Variants in LARGE1 observed in about 807,000 individuals in gnomAD.
LARGE1 encodes the protein LARGE xylosyl- and glucuronyltransferase 1, also known as xylosyl- and glucuronyltransferase LARGE1.
A neutral mutation model predicts 87.6 loss-of-function variants in LARGE1; 43 were observed. The ratio of observed to expected loss-of-function variants is 0.49; its 90% CI spans 0.38 to 0.63. LARGE1 has a LOEUF of 0.63. Among genes scored for constraint, LARGE1 ranks in the 30% least tolerant of loss-of-function variants. The pLI, the probability that LARGE1 is intolerant of heterozygous loss-of-function variation, is 0.00. For missense variants in LARGE1, 802 were observed against 1,000.2 expected (o/e 0.80, Z 2.67); for synonymous variants, 434 against 394.6 (o/e 1.10, Z -1.18).
chr22:33,203,987 T>C (rs1207438147), intron 11 of LARGE1, among the ~76,000 whole-genome samples: 2 of 152,240 alleles, frequency 1.3e-5, no homozygotes, highest in Admixed American at 6.5e-5. Flanking sequence ...CTTGTCTTAT[T>C]GTTCTGTATG....
the LARGE1 span, among the ~76,000 whole-genome samples, chr22:33,091,629 T>C: frequency 6.6e-6 from 1 of 152,140 alleles, no homozygotes; most frequent in Non-Finnish European, 1.5e-5. Context: ...TGGGCCAGGT[T>C]CTAGATGATA....
intron 5 of LARGE1, among the ~76,000 whole-genome samples, chr22:33,583,425 C>A (rs761497849): frequency 6.6e-6 from 1 of 152,200 alleles, no homozygotes; most frequent in Non-Finnish European, 1.5e-5. Context: ...TACCAAGATT[C>A]CTGCCCTCAG....
chr22:33,886,302 T>A (rs1011137045), intron 1 of LARGE1, among the ~76,000 whole-genome samples: 6 of 152,196 alleles, frequency 3.9e-5, no homozygotes, highest in Admixed American at 2.6e-4. Context: ...GTGACTTGTG[T>A]GACTAGGGGG....
At chr22:33,626,745 C>G (rs575199134) in intron 3 of LARGE1, among the ~76,000 whole-genome samples, 26 of 152,282 alleles carry the variant, frequency 1.7e-4, no homozygotes, top group African/African-American at 6.3e-4. Flanking sequence ...AATGTTCCCA[C>G]AAGATGTGTT....
At chr22:33,872,893 G>A (rs2064339802) in intron 1 of LARGE1, among the ~76,000 whole-genome samples, 1 of 152,094 alleles carries the variant, frequency 6.6e-6, no homozygotes, top group African/African-American at 2.4e-5. Context: ...CCAGCTACTC[G>A]GGAGGCTGAG....
intron 2 of LARGE1, among the ~76,000 whole-genome samples, chr22:33,737,273 T>C (rs918646329): frequency 2.6e-5 from 4 of 152,158 alleles, no homozygotes; most frequent in Non-Finnish European, 5.9e-5. Context: ...TGGGCTTTTG[T>C]CTCATTCACT....
At chr22:33,589,920 T>TGTG (rs10685056) in intron 5 of LARGE1, among the ~76,000 whole-genome samples, 37,640 of 152,078 alleles carry the variant, frequency 0.25, 5,340 homozygotes, top group African/African-American at 0.39. Flanking sequence ...TCCGCTGCAC[T>TGTG]GTGGTCAAGA....
chr22:33,113,205 C>CTTTTT, the LARGE1 span, among the ~76,000 whole-genome samples: 1 of 127,390 alleles, frequency 7.8e-6, no homozygotes, highest in Non-Finnish European at 1.6e-5. Flanking sequence ...ACTTAATTAT[C>CTTTTT]TTTTTTTTTT....
At chr22:33,903,744 G>C (rs2065353290) in intron 1 of LARGE1, among the ~76,000 whole-genome samples, 1 of 152,154 alleles carries the variant, frequency 6.6e-6, no homozygotes, top group Middle Eastern at 3.2e-3. Flanking sequence ...AGAATCACTT[G>C]AACCTGGGAG....
At chr22:33,096,873 G>A in the LARGE1 span, among the ~76,000 whole-genome samples, 1 of 152,182 alleles carries the variant, frequency 6.6e-6, no homozygotes, top group Non-Finnish European at 1.5e-5. Flanking sequence ...CGGATCTGGA[G>A]CATTTTTAAA....
chr22:33,377,973 T>C lies in LARGE1; in HGVS notation c.1131+3946A>G, dbSNP rs150980125. 2.0e-3 allele frequency among the ~76,000 whole-genome samples: 299 copies of C among 152,340 alleles called. 1 individual carries two copies. The highest frequency in any genetic ancestry group is 6.9e-3 in the African/African-American group (285 of 41,582). ...ACTTTCAATATTCATTTTTTATTTC[T>C]ACATGTAATAAAAATACTTATGTTT... is the stretch of plus-strand genomic sequence containing the variant. On this transcript the variant is annotated intron_variant, in intron 9 of 14. Transcript: ENST00000397394.
chr22:33,705,231 G>A (rs240086), intron 2 of LARGE1, among the ~76,000 whole-genome samples: 1 of 152,138 alleles, frequency 6.6e-6, no homozygotes, highest in Non-Finnish European at 1.5e-5. Flanking sequence ...CCTCAATTTT[G>A]AGCTGTTTTC....
At chr22:33,340,079 C>T (rs923295254) in intron 9 of LARGE1, among the ~76,000 whole-genome samples, 3 of 151,986 alleles carry the variant, frequency 2.0e-5, no homozygotes, top group Admixed American at 6.5e-5. Flanking sequence ...TATAGAATAA[C>T]CATGATCAGC....
chr22:33,190,798 C>G (rs1923735227), intron 11 of LARGE1, among the ~76,000 whole-genome samples: 1 of 152,190 alleles, frequency 6.6e-6, no homozygotes, highest in Admixed American at 6.5e-5. Flanking sequence ...AAATAGTTGA[C>G]TTTGAAATCA....
chr22:33,627,369 T>C (rs549113714), intron 3 of LARGE1, among the ~76,000 whole-genome samples: 45 of 152,320 alleles, frequency 3.0e-4, no homozygotes, highest in African/African-American at 8.9e-4. Flanking sequence ...TTGTCCTTTC[T>C]ACTGAAGCAC....
At chr22:33,482,830 T>C (rs938256846) in intron 6 of LARGE1, among the ~76,000 whole-genome samples, 3 of 152,164 alleles carry the variant, frequency 2.0e-5, no homozygotes, top group East Asian at 1.9e-4. Context: ...TATTGAGGTG[T>C]TGGGAAGCAA....
intron 11 of LARGE1, among the ~76,000 whole-genome samples, chr22:33,260,794 C>T (rs1318017425): frequency 2.0e-5 from 3 of 152,144 alleles, no homozygotes; most frequent in East Asian, 1.9e-4. Flanking sequence ...CCAACCAGAG[C>T]GTTTTATTTT....
At chr22:33,342,275 T>C (rs1939238343) in intron 9 of LARGE1, among the ~76,000 whole-genome samples, 1 of 152,170 alleles carries the variant, frequency 6.6e-6, no homozygotes, top group African/African-American at 2.4e-5. Flanking sequence ...TGAGGAAATG[T>C]TAAGCTTCTT....
intron 1 of LARGE1, among the ~76,000 whole-genome samples, chr22:33,774,995 G>T (rs1044060118): frequency 6.6e-6 from 1 of 152,174 alleles, no homozygotes; most frequent in Non-Finnish European, 1.5e-5. Context: ...GGAGTTAGTG[G>T]CAGCAGAACT....
Sources: gnomAD v4.1 joint callset for allele counts (sites outside exome capture counted in the v4.1 genomes callset) on GRCh38, gnomAD v4.1.1 for gene constraint, MANE v1.5 for transcripts, NCBI Gene and HGNC (gene_info 2026-07-23, HGNC 2026-07-21) for gene names.